Variants in GALNTL6 observed in about 807,000 individuals in gnomAD.
The protein encoded by GALNTL6 is polypeptide N-acetylgalactosaminyltransferase-like 6.
Under a neutral mutation model 73.7 loss-of-function variants are expected in GALNTL6, and 46 were observed. That is an observed-to-expected ratio of 0.62 (90% confidence interval 0.49 to 0.80). The LOEUF (loss-of-function observed/expected upper bound fraction) is 0.80. GALNTL6 is among the 30% of genes least tolerant of loss of function. GALNTL6 has a pLI of 0.00. For missense variants in GALNTL6, 604 were observed against 755.0 expected (o/e 0.80, Z 2.34); for synonymous variants, 259 against 263.7 (o/e 0.98, Z 0.17).
intron 5 of GALNTL6, among the ~76,000 whole-genome samples, chr4:172,495,040 A>G (rs1734023903): frequency 6.6e-6 from 1 of 152,160 alleles, no homozygotes; most frequent in South Asian, 2.1e-4. Flanking sequence ...GCTAGACAGC[A>G]AGGGAGTGAC....
intron 5 of GALNTL6, among the ~76,000 whole-genome samples, chr4:172,420,324 A>G (rs1358178328): frequency 6.6e-6 from 1 of 152,196 alleles, no homozygotes; most frequent in Non-Finnish European, 1.5e-5. Flanking sequence ...CATAGCACAT[A>G]TTGTGCAACT....
chr4:172,137,293 G>T (rs1017356246), intron 2 of GALNTL6, among the ~76,000 whole-genome samples: 7 of 151,944 alleles, frequency 4.6e-5, no homozygotes, highest in Non-Finnish European at 8.8e-5. Flanking sequence ...AAGTAGTTTT[G>T]GTATTTTCAA....
intron 10 of GALNTL6, among the ~76,000 whole-genome samples, chr4:172,984,885 A>AT (rs939844381): frequency 7.2e-5 from 11 of 152,206 alleles, no homozygotes; most frequent in Non-Finnish European, 1.2e-4. Flanking sequence ...AATAATGAAC[A>AT]TTTTTTATGC....
chr4:172,398,283 T>A (rs1021632001), intron 5 of GALNTL6, among the ~76,000 whole-genome samples: 6 of 152,312 alleles, frequency 3.9e-5, no homozygotes, highest in African/African-American at 1.2e-4. Context: ...TAAGAAGTGA[T>A]CTTGATGGAC....
intron 2 of GALNTL6, among the ~76,000 whole-genome samples, chr4:171,857,926 C>T (rs1354128838): frequency 6.6e-6 from 1 of 152,164 alleles, no homozygotes; most frequent in Non-Finnish European, 1.5e-5. Context: ...TTGCCTGGTT[C>T]ATAGCTCAGG....
chr4:171,897,033 T>C (rs112095943), intron 2 of GALNTL6, among the ~76,000 whole-genome samples: 1 of 136,732 alleles, frequency 7.3e-6, no homozygotes, highest in South Asian at 2.3e-4. Context: ...TAAATATTAA[T>C]TAACTGAAAA....
Position 172,147,009 on chromosome 4 carries a change from AAC to A in GALNTL6, c.139-82643_139-82642del, listed in dbSNP as rs568541210. Among the ~76,000 whole-genome samples, 579 of 152,350 alleles carry A rather than the reference AAC, an allele frequency of 3.8e-3. 2 individuals are homozygous for A. Among genetic ancestry groups the A allele is most frequent in the Non-Finnish European group, 5.1e-3 (344 of 68,024 alleles). On this transcript the variant is annotated intron_variant, in intron 2 of 12. Coordinates refer to ENST00000506823, the MANE Select transcript of GALNTL6 (RefSeq NM_001034845.3). ...CGGGATTGTTGAAGTAGACTGTCAA[AAC>A]ACAGTTACAGATAACAGTTCATAAT...
At chr4:172,403,597 C>T (rs1224965310) in intron 5 of GALNTL6, among the ~76,000 whole-genome samples, 4 of 151,916 alleles carry the variant, frequency 2.6e-5, no homozygotes, top group Non-Finnish European at 4.4e-5. Flanking sequence ...ATGAAAATCA[C>T]AAGTATGTAC....
chr4:172,676,312 T>C (rs1480362636), intron 5 of GALNTL6, among the ~76,000 whole-genome samples: 3 of 152,230 alleles, frequency 2.0e-5, no homozygotes, highest in Non-Finnish European at 4.4e-5. Flanking sequence ...TTTCTTTAAG[T>C]CTTGTAAATT....
intron 5 of GALNTL6, among the ~76,000 whole-genome samples, chr4:172,570,194 A>C (rs1736709526): frequency 6.6e-6 from 1 of 152,178 alleles, no homozygotes; most frequent in Non-Finnish European, 1.5e-5. Flanking sequence ...GAGAGAAGAC[A>C]TCATCCAGAC....
intron 7 of GALNTL6, among the ~76,000 whole-genome samples, chr4:172,842,647 A>G (rs1743273449): frequency 6.6e-6 from 1 of 152,038 alleles, no homozygotes; most frequent in Non-Finnish European, 1.5e-5. Flanking sequence ...CCTTTGGCCC[A>G]TGAGTAATTG....
chr4:172,150,858 G>T (rs918853241), intron 2 of GALNTL6, among the ~76,000 whole-genome samples: 1 of 152,146 alleles, frequency 6.6e-6, no homozygotes, highest in Non-Finnish European at 1.5e-5. Flanking sequence ...AAAACATGTT[G>T]TATTTTAACT....
intron 11 of GALNTL6, 98 bp downstream of exon 11, chr4:173,009,392 T>C (rs1422060362): frequency 1.3e-6 from 1 of 760,350 alleles, no homozygotes; most frequent in Non-Finnish European, 2.3e-6. Flanking sequence ...ATGGTGCAGA[T>C]GGTACTTGTG....
intron 2 of GALNTL6, among the ~76,000 whole-genome samples, chr4:172,012,158 C>T (rs555889453): frequency 1.6e-4 from 24 of 152,196 alleles, no homozygotes; most frequent in African/African-American, 5.3e-4. Flanking sequence ...TCTGACATCC[C>T]CCAAAGCCCA....
chr4:172,628,085 A>G (rs1739241001), intron 5 of GALNTL6, among the ~76,000 whole-genome samples: 1 of 152,114 alleles, frequency 6.6e-6, no homozygotes, highest in African/African-American at 2.4e-5. Context: ...GCTACATTAT[A>G]GGAATATAAA....
rs552391854 is a variant in GALNTL6, at chr4:172,802,638, A to G, written c.554-6723A>G. On this transcript the variant is annotated intron_variant, in intron 5 of 12. Transcript: ENST00000506823. ...TGTTGAAACCCCATCTCTACTAAAA[A>G]TAAAATAAAATAAAATTAGCCAGGC... 1.4e-4 allele frequency among the ~76,000 whole-genome samples: 22 copies of G among 152,078 alleles called. 1 individual carries two copies. Among genetic ancestry groups the G allele is most frequent in the Admixed American group, 6.6e-4 (10 of 15,254 alleles).
At chr4:172,912,967 T>C (rs1444920498) in intron 8 of GALNTL6, among the ~76,000 whole-genome samples, 1 of 152,132 alleles carries the variant, frequency 6.6e-6, no homozygotes. Flanking sequence ...CACCTCCCAG[T>C]AGGGGCCGAC....
intron 5 of GALNTL6, among the ~76,000 whole-genome samples, chr4:172,640,117 C>T (rs1739903232): frequency 6.6e-6 from 1 of 152,090 alleles, no homozygotes; most frequent in African/African-American, 2.4e-5. Context: ...CAGATATTTG[C>T]CTCTATTGTT....
chr4:172,273,618 C>G (rs1169918570), intron 3 of GALNTL6, among the ~76,000 whole-genome samples: 1 of 152,064 alleles, frequency 6.6e-6, no homozygotes, highest in Non-Finnish European at 1.5e-5. Context: ...AGAGTTCTTT[C>G]AACAGATAGG....
Sources: allele counts gnomAD v4.1 joint callset (sites outside exome capture counted in the v4.1 genomes callset), GRCh38; gene constraint gnomAD v4.1.1; transcripts MANE v1.5; gene names NCBI Gene and HGNC (gene_info 2026-07-23, HGNC 2026-07-21).